DSCAML1: variants seen among roughly 807,000 people sequenced by gnomAD.
DSCAML1 encodes cell adhesion molecule DSCAML1.
A neutral mutation model predicts 200.5 loss-of-function variants in DSCAML1; 38 were observed. That is an observed-to-expected ratio of 0.19 (90% CI 0.15 to 0.25). The LOEUF (loss-of-function observed/expected upper bound fraction) is 0.25, where lower values mean the gene tolerates loss of function less well. Ranked by LOEUF, DSCAML1 falls within the 10% of genes least tolerant of loss-of-function variation. The probability of loss-of-function intolerance (pLI) is 1.00; values close to 1 mark genes in which losing one functional copy is unlikely to be tolerated. For synonymous variants in DSCAML1, 1,215 were observed against 1,165.0 expected (o/e 1.04, Z -0.87); for missense variants, 2,223 against 2,858.8 (o/e 0.78, Z 5.07).
At chr11:117,605,060 G>T (rs927855602) in intron 3 of DSCAML1, among the ~76,000 whole-genome samples, 1 of 152,234 alleles carries the variant, frequency 6.6e-6, no homozygotes, top group Middle Eastern at 3.4e-3. Flanking sequence ...CCCTGGTCTG[G>T]TTCTGTCTCC....
In DSCAML1 at chr11:117,518,552, G is replaced by C. The variant is rs1565759313; in HGVS notation, c.1424C>G (p.Pro475Arg). The C allele has an allele frequency of 6.2e-7, 1 of 1,614,200 alleles. No homozygotes were observed. Among genetic ancestry groups the C allele is most frequent in the Non-Finnish European group, 8.5e-7 (1 of 1,180,048 alleles). The change falls in exon 7 of 33, where the codon CCC (proline) becomes CGC (arginine). Residue 475 changes from proline (P) to arginine (R), a missense_variant. By Grantham distance (103) the Pro-to-Arg change is moderately radical. Transcript: ENST00000651296. The surrounding 1 kb of genome is among the most constrained non-coding windows in gnomAD (Gnocchi z 6.3). ...GTACACGCCCCCGTCGCGGATCTGG[G>C]GGCCTGTGACGTTCATGTGGCTGAT... is the stretch of plus-strand genomic sequence containing the variant. ...TTISHMNVTG[P>R]QIRDGGVYRC...
intron 3 of DSCAML1, among the ~76,000 whole-genome samples, chr11:117,760,835 C>G (rs1290379814): frequency 6.6e-6 from 1 of 152,182 alleles, no homozygotes; most frequent in Non-Finnish European, 1.5e-5. Flanking sequence ...TGGAAGGGAC[C>G]TAAGGGATCA....
chr11:117,701,132 G>A (rs778425470), intron 3 of DSCAML1, among the ~76,000 whole-genome samples: 9 of 152,160 alleles, frequency 5.9e-5, no homozygotes, highest in Non-Finnish European at 1.2e-4. Context: ...CGGGCATGGT[G>A]GCGTGCACCT....
intron 1 of DSCAML1, among the ~76,000 whole-genome samples, chr11:117,785,882 C>T (rs1030761173): frequency 2.6e-5 from 4 of 152,092 alleles, no homozygotes; most frequent in African/African-American, 7.2e-5. Context: ...CTGAAGGAGT[C>T]GACATCTTCT....
At chr11:117,462,206 G>A (rs966853333) in intron 17 of DSCAML1, among the ~76,000 whole-genome samples, 1 of 152,298 alleles carries the variant, frequency 6.6e-6, no homozygotes. Flanking sequence ...TTAAAGCTTC[G>A]CTCGTGCCCT....
chr11:117,599,940 G>A (rs1029194772), intron 3 of DSCAML1, among the ~76,000 whole-genome samples: 1 of 152,190 alleles, frequency 6.6e-6, no homozygotes, highest in African/African-American at 2.4e-5. Context: ...ACAGTGGAAG[G>A]TCTAGGGCCA....
intron 3 of DSCAML1, among the ~76,000 whole-genome samples, chr11:117,748,738 C>A (rs2054556422): frequency 6.6e-6 from 1 of 152,214 alleles, no homozygotes. Context: ...ACTGCATGCC[C>A]TACTGACCCC....
At chr11:117,749,138 C>T (rs1207798035) in intron 3 of DSCAML1, among the ~76,000 whole-genome samples, 1 of 152,210 alleles carries the variant, frequency 6.6e-6, no homozygotes, top group Non-Finnish European at 1.5e-5. Context: ...AGGCCCAGAA[C>T]TACCAGCTCC....
At chr11:117,772,563 A>C (rs1245092155) in intron 3 of DSCAML1, among the ~76,000 whole-genome samples, 2 of 152,218 alleles carry the variant, frequency 1.3e-5, no homozygotes, top group Non-Finnish European at 2.9e-5. Flanking sequence ...GGGCCAAGAT[A>C]GCCAGTCAGG....
intron 3 of DSCAML1, among the ~76,000 whole-genome samples, chr11:117,630,283 AC>A (rs1335671503): frequency 6.6e-6 from 1 of 152,176 alleles, no homozygotes; most frequent in Non-Finnish European, 1.5e-5. Context: ...AGTGAGCCCG[AC>A]TGCACTGCCT....
At chr11:117,637,765 G>A (rs2052322356) in intron 3 of DSCAML1, among the ~76,000 whole-genome samples, 1 of 152,190 alleles carries the variant, frequency 6.6e-6, no homozygotes, top group African/African-American at 2.4e-5. Context: ...CAATTTAGAG[G>A]TCTTACTAGG....
At chr11:117,435,925 C>T (rs2047905931) in intron 26 of DSCAML1, 126 bp from the exon 27 acceptor site, 1 of 1,059,162 alleles carries the variant, frequency 9.4e-7, no homozygotes, top group East Asian at 2.7e-5. Flanking sequence ...CACCTCCTGG[C>T]ACAGAACCCT....
rs552245769 is a variant in DSCAML1 at position 117,790,052 on chromosome 11, C to T, written c.46+6982G>A. 4.6e-5 allele frequency among the ~76,000 whole-genome samples: 7 copies of T among 152,320 alleles called. No individual in the cohort carries two copies. The South Asian group carries it at 8.3e-4, about 18-fold the overall frequency. On this transcript the variant is annotated intron_variant, in intron 1 of 32. Transcript: ENST00000651296. ...CTGAATCTCCCTCTCCCACCCCCAA[C>T]GCAGGGGTCCTATCCTCTCTCATAC...
At chr11:117,523,933 G>C (rs1317513481) in intron 5 of DSCAML1, among the ~76,000 whole-genome samples, 2 of 152,226 alleles carry the variant, frequency 1.3e-5, no homozygotes, top group African/African-American at 4.8e-5. Flanking sequence ...CTGCAGCCTA[G>C]AGAGCAGGGA....
chr11:117,541,565 GTTTGGGCCACTATTTCCTC>G, intron 3 of DSCAML1, among the ~76,000 whole-genome samples: 1 of 152,304 alleles, frequency 6.6e-6, no homozygotes, highest in African/African-American at 2.4e-5. Context: ...CATTGCAATG[GTTTGGGCCACTATTTCCTC>G]TTTGGGCCAC....
chr11:117,478,052 G>A (rs556419592), intron 14 of DSCAML1, among the ~76,000 whole-genome samples: 1 of 152,244 alleles, frequency 6.6e-6, no homozygotes, highest in Non-Finnish European at 1.5e-5. Context: ...TCCTCATTCT[G>A]CAGGGAGCCA....
chr11:117,695,607 C>A (rs758203002), intron 3 of DSCAML1, among the ~76,000 whole-genome samples: 1 of 152,170 alleles, frequency 6.6e-6, no homozygotes, highest in East Asian at 1.9e-4. Context: ...GGAGAGCTGG[C>A]GGAGTGGTAT....
chr11:117,680,698 C>T (rs1158891216), intron 3 of DSCAML1, among the ~76,000 whole-genome samples: 1 of 152,200 alleles, frequency 6.6e-6, no homozygotes, highest in Non-Finnish European at 1.5e-5. Context: ...TAAGGACAGC[C>T]TCTCCAGGGC....
intron 3 of DSCAML1, among the ~76,000 whole-genome samples, chr11:117,613,605 A>G (rs2051744507): frequency 6.6e-6 from 1 of 152,208 alleles, no homozygotes; most frequent in Admixed American, 6.5e-5. Flanking sequence ...TCCATTTCAG[A>G]ACAGGATGCC....
Sources: gnomAD v4.1 joint callset for allele counts (sites outside exome capture counted in the v4.1 genomes callset) on GRCh38, gnomAD v4.1.1 for gene constraint, Gnocchi (gnomAD v3.1) non-coding constraint, MANE v1.5 for transcripts, NCBI Gene and HGNC (gene_info 2026-07-23, HGNC 2026-07-21) for gene names.